The following SEMA5A variants were observed in gnomAD, a reference collection of about 807,000 sequenced individuals.
SEMA5A encodes the protein semaphorin 5A, also known as semaphorin-5A.
SEMA5A carries 55 observed loss-of-function variants against 135.5 expected under a neutral mutation model. The observed-to-expected ratio is 0.41, with a 90% CI of 0.33 to 0.51. The LOEUF is 0.51. Ranked by LOEUF, SEMA5A falls within the 20% of genes least tolerant of loss-of-function variation. The pLI, the probability that SEMA5A is intolerant of heterozygous loss-of-function variation, is 0.37. For missense variants in SEMA5A, 1,290 were observed against 1,419.9 expected, an observed-to-expected ratio of 0.91 and a Z score of 1.47; for synonymous variants, 580 against 546.5, an observed-to-expected ratio of 1.06 and a Z score of -0.85.
chr5:9,372,737 C>T (rs1009083474), intron 3 of SEMA5A, among the ~76,000 whole-genome samples: 5 of 151,580 alleles, frequency 3.3e-5, no homozygotes, highest in African/African-American at 1.2e-4. Context: ...TAGAGGGAGA[C>T]ATGGATATGC....
At chr5:9,370,917 G>A (rs1289773720) in intron 3 of SEMA5A, among the ~76,000 whole-genome samples, 1 of 152,150 alleles carries the variant, frequency 6.6e-6, no homozygotes, top group Admixed American at 6.5e-5. Flanking sequence ...TCTACCTTCA[G>A]TATGACAAAC....
chr5:9,209,932 A>T (rs143764633), intron 8 of SEMA5A, among the ~76,000 whole-genome samples: 67 of 152,362 alleles, frequency 4.4e-4, no homozygotes, highest in African/African-American at 1.5e-3. Flanking sequence ...AGGCAAGGAC[A>T]TCAAGAGGGA....
intron 3 of SEMA5A, among the ~76,000 whole-genome samples, chr5:9,349,719 G>A (rs959066654): frequency 2.6e-5 from 4 of 152,048 alleles, no homozygotes; most frequent in South Asian, 2.1e-4. Flanking sequence ...GGCTAACACA[G>A]TGAATCCCTG....
intron 5 of SEMA5A, among the ~76,000 whole-genome samples, chr5:9,315,142 C>G (rs1363633065): frequency 6.6e-6 from 1 of 152,172 alleles, no homozygotes; most frequent in Admixed American, 6.6e-5. Context: ...GACATCATGT[C>G]AGTAAAATTT....
rs369039440 is a variant in SEMA5A, at chr5:9,122,648, C to A, written c.1781+8G>T. The A allele has an allele frequency of 2.5e-6, 4 of 1,579,632 alleles. No individual in the cohort carries two copies. The South Asian group carries it at 3.5e-5, about 14-fold the overall frequency. On this transcript the variant is annotated splice_region_variant and intron_variant, in intron 14 of 22. Transcript: ENST00000382496. ...AGCAGCACAACTGGCGTGTTCTGAG[C>A]GGCACACCTGGAACAGTTGGCGATC...
intron 1 of SEMA5A, among the ~76,000 whole-genome samples, chr5:9,493,263 G>A (rs1366558469): frequency 4.7e-5 from 7 of 148,496 alleles, no homozygotes; most frequent in South Asian, 2.2e-4. Flanking sequence ...ATATATACCT[G>A]TAAATATGTA....
intron 8 of SEMA5A, among the ~76,000 whole-genome samples, chr5:9,223,930 A>G (rs1258582384): frequency 6.6e-6 from 1 of 152,208 alleles, no homozygotes; most frequent in Non-Finnish European, 1.5e-5. Flanking sequence ...CAGAACTGAA[A>G]GAAGCCTTCT....
At chr5:9,096,657 G>A (rs1739331351) in intron 16 of SEMA5A, among the ~76,000 whole-genome samples, 1 of 150,616 alleles carries the variant, frequency 6.6e-6, no homozygotes, top group African/African-American at 2.4e-5. Flanking sequence ...AAATGAAATG[G>A]CAACCTACAT....
At chr5:9,146,654 T>G (rs1355848437) in intron 12 of SEMA5A, among the ~76,000 whole-genome samples, 1 of 152,364 alleles carries the variant, frequency 6.6e-6, no homozygotes, top group Non-Finnish European at 1.5e-5. Flanking sequence ...TTCAGTTCCA[T>G]GACAGCAGGT....
At chr5:9,093,110 A>T (rs1456695245) in intron 16 of SEMA5A, among the ~76,000 whole-genome samples, 5 of 152,180 alleles carry the variant, frequency 3.3e-5, no homozygotes, top group Non-Finnish European at 5.9e-5. Context: ...TAAGATTAGG[A>T]GTACTTACTA....
chr5:9,275,511 C>A (rs1385312295), intron 5 of SEMA5A, among the ~76,000 whole-genome samples: 3 of 152,110 alleles, frequency 2.0e-5, no homozygotes, highest in Non-Finnish European at 4.4e-5. Context: ...ATACCAAAAC[C>A]TGCAGAGACA....
intron 20 of SEMA5A, 35 bp downstream of exon 20, chr5:9,051,837 GA>G: frequency 1.2e-6 from 2 of 1,612,870 alleles, no homozygotes; most frequent in Non-Finnish European, 1.7e-6. Flanking sequence ...TGTTGGAAAT[GA>G]TTTTATTCTT....
intron 1 of SEMA5A, among the ~76,000 whole-genome samples, chr5:9,543,443 A>G (rs893790461): frequency 6.6e-6 from 1 of 152,186 alleles, no homozygotes; most frequent in African/African-American, 2.4e-5. Context: ...GTTTATTTTT[A>G]CCAAATTCTG....
At chr5:9,274,379 G>A (rs181131492) in intron 5 of SEMA5A, among the ~76,000 whole-genome samples, 29 of 151,926 alleles carry the variant, frequency 1.9e-4, no homozygotes, top group African/African-American at 6.5e-4. Flanking sequence ...ACTCCTACAC[G>A]ATAGTGGGAT....
chr5:9,275,879 T>C (rs1750235282), intron 5 of SEMA5A, among the ~76,000 whole-genome samples: 1 of 151,418 alleles, frequency 6.6e-6, no homozygotes, highest in South Asian at 2.1e-4. Flanking sequence ...AACATCATAC[T>C]GAATGGGCGA....
At chr5:9,389,678 ACCT>A (rs1319192092) in intron 2 of SEMA5A, among the ~76,000 whole-genome samples, 1 of 151,184 alleles carries the variant, frequency 6.6e-6, no homozygotes, top group Non-Finnish European at 1.5e-5. Flanking sequence ...GTCCTGACCA[ACCT>A]CCTGTATTTC....
intron 5 of SEMA5A, among the ~76,000 whole-genome samples, chr5:9,309,607 T>A (rs1171501881): frequency 1.3e-5 from 2 of 151,988 alleles, no homozygotes; most frequent in Non-Finnish European, 2.9e-5. Flanking sequence ...CACTGTGGGA[T>A]CCTGAACGGC....
At chr5:9,407,224 A>T (rs1756920709) in intron 2 of SEMA5A, among the ~76,000 whole-genome samples, 1 of 152,234 alleles carries the variant, frequency 6.6e-6, no homozygotes, top group South Asian at 2.1e-4. Flanking sequence ...CAATCTACAA[A>T]AAGAGTATGT....
intron 5 of SEMA5A, among the ~76,000 whole-genome samples, chr5:9,269,070 C>A (rs1242573545): frequency 6.6e-6 from 1 of 152,220 alleles, no homozygotes; most frequent in Non-Finnish European, 1.5e-5. Flanking sequence ...CATCCCTCTG[C>A]AACAACACAC....
Sources: allele counts gnomAD v4.1 joint callset (sites outside exome capture counted in the v4.1 genomes callset), GRCh38; gene constraint gnomAD v4.1.1; transcripts MANE v1.5; gene names NCBI Gene and HGNC (gene_info 2026-07-23, HGNC 2026-07-21).